AMMECR1: variants seen among roughly 807,000 people sequenced by gnomAD.
AMMECR1 encodes the protein nuclear protein AMMECR1.
Under a neutral mutation model 22.5 loss-of-function variants are expected in AMMECR1, and 3 were observed. The ratio of observed to expected loss-of-function variants is 0.13; its 90% CI spans 0.06 to 0.35. The LOEUF is 0.35. Ranked by LOEUF, AMMECR1 falls within the 10% of genes least tolerant of loss-of-function variation. The pLI, the probability that AMMECR1 is intolerant of heterozygous loss-of-function variation, is 1.00. For synonymous variants in AMMECR1, 130 were observed against 116.7 expected, an observed-to-expected ratio of 1.11 and a Z score of -0.74; for missense variants, 235 against 278.7, an observed-to-expected ratio of 0.84 and a Z score of 1.12.
At chrX:110,359,395 CA>C (rs2068248205) in intron 2 of AMMECR1, among the ~76,000 whole-genome samples, 2 of 111,440 alleles carry the variant, frequency 1.8e-5, no homozygotes, top group South Asian at 7.6e-4. Context: ...TCATGAACGA[CA>C]TGCTCTTTTC....
chrX:110,418,496 G>A (rs951618079), intron 2 of AMMECR1, among the ~76,000 whole-genome samples: 2 of 112,037 alleles, frequency 1.8e-5, no homozygotes, highest in African/African-American at 3.2e-5. Context: ...TTAGTGATCA[G>A]GGCCAAATGA....
intron 2 of AMMECR1, among the ~76,000 whole-genome samples, chrX:110,224,156 AC>A (rs774660321): frequency 4.0e-4 from 45 of 111,300 alleles, no homozygotes; most frequent in South Asian, 7.7e-4. Context: ...AAAGGGAGCC[AC>A]AGGACTAAGC....
chrX:110,346,635 T>C, intron 2 of AMMECR1: 1 of 551,041 alleles, frequency 1.8e-6, no homozygotes, highest in Non-Finnish European at 3.3e-6. Context: ...AGGCTTCAAA[T>C]GTATCTCTCT....
chrX:110,360,132 T>C (rs1431930053), intron 2 of AMMECR1, among the ~76,000 whole-genome samples: 1 of 111,427 alleles, frequency 9.0e-6, no homozygotes, highest in Non-Finnish European at 1.9e-5. Context: ...AGAAATCTCA[T>C]AGCCTCAGAC....
chrX:110,237,212 G>GA (rs1230197890), intron 2 of AMMECR1, among the ~76,000 whole-genome samples: 2 of 111,367 alleles, frequency 1.8e-5, no homozygotes, highest in African/African-American at 6.5e-5. Flanking sequence ...GGCAGGCATA[G>GA]AAAAAAGAAA....
At chrX:110,302,643 T>C (rs890107002) in intron 1 of AMMECR1, among the ~76,000 whole-genome samples, 12 of 111,016 alleles carry the variant, frequency 1.1e-4, no homozygotes, top group Non-Finnish European at 2.1e-4. Flanking sequence ...GAGGCCGAAG[T>C]GGGTGGATCA....
At chrX:110,329,728 AC>A (rs1400752909) in intron 2 of AMMECR1, among the ~76,000 whole-genome samples, 1 of 112,196 alleles carries the variant, frequency 8.9e-6, no homozygotes, top group African/African-American at 3.2e-5. Context: ...GTGATGCCAA[AC>A]AACCACAGAT....
At chrX:110,324,106 C>T (rs970601624) in intron 2 of AMMECR1, among the ~76,000 whole-genome samples, 13 of 108,536 alleles carry the variant, frequency 1.2e-4, no homozygotes, top group African/African-American at 4.4e-4. Context: ...AAGCAATTCT[C>T]CTGCCTCAAC....
At chrX:110,364,664 C>A (rs1475744010) in intron 2 of AMMECR1, among the ~76,000 whole-genome samples, 2 of 111,667 alleles carry the variant, frequency 1.8e-5, no homozygotes, top group African/African-American at 6.5e-5. Flanking sequence ...AGTTTTGGAA[C>A]CTGTGAAGCT....
At chrX:110,232,482 C>T (rs2067572696) in intron 2 of AMMECR1, among the ~76,000 whole-genome samples, 1 of 111,883 alleles carries the variant, frequency 8.9e-6, no homozygotes, top group African/African-American at 3.3e-5. Flanking sequence ...AACAAAGACA[C>T]AACGTACCGG....
intron 1 of AMMECR1, among the ~76,000 whole-genome samples, chrX:110,267,996 G>T (rs2067778760): frequency 8.9e-6 from 1 of 112,069 alleles, no homozygotes. Context: ...ATTTTACAAG[G>T]CAGCCTGAGG....
intron 2 of AMMECR1, among the ~76,000 whole-genome samples, chrX:110,339,218 C>T (rs748673515): frequency 9.0e-6 from 1 of 110,877 alleles, no homozygotes; most frequent in South Asian, 3.8e-4. Flanking sequence ...TCCACAATCA[C>T]CTGATATTGA....
intron 2 of AMMECR1, among the ~76,000 whole-genome samples, chrX:110,377,972 G>A (rs1372181594): frequency 1.1e-5 from 1 of 88,793 alleles, no homozygotes; most frequent in Non-Finnish European, 2.1e-5. Flanking sequence ...TCGCGCCACT[G>A]CACTCCAGCC....
chrX:110,257,229 C>T (rs902074587), intron 2 of AMMECR1, among the ~76,000 whole-genome samples: 1 of 112,336 alleles, frequency 8.9e-6, no homozygotes, highest in Non-Finnish European at 1.9e-5. Flanking sequence ...AAGACTATCG[C>T]AGACAATGAC....
intron 2 of AMMECR1, among the ~76,000 whole-genome samples, chrX:110,368,341 A>G (rs1315788442): frequency 9.0e-6 from 1 of 111,308 alleles, no homozygotes; most frequent in African/African-American, 3.3e-5. Context: ...AAGATTCTAC[A>G]TGATCTACCT....
intron 2 of AMMECR1, among the ~76,000 whole-genome samples, chrX:110,348,607 T>C: frequency 8.9e-6 from 1 of 112,531 alleles, no homozygotes; most frequent in Middle Eastern, 4.6e-3. Context: ...ATCTCTTGGG[T>C]TATTGTATTG....
At chrX:110,217,631 C>G (rs1037857819) in intron 2 of AMMECR1, among the ~76,000 whole-genome samples, 2 of 110,507 alleles carry the variant, frequency 1.8e-5, no homozygotes, top group Non-Finnish European at 3.8e-5. Context: ...AATGGCACTA[C>G]TGGTATTCAT....
chrX:110,314,670 C>T (rs1047776954), intron 1 of AMMECR1, among the ~76,000 whole-genome samples: 1 of 111,857 alleles, frequency 8.9e-6, no homozygotes, highest in Non-Finnish European at 1.9e-5. Flanking sequence ...CTACATAAAT[C>T]CAAGAGTGCT....
intron 2 of AMMECR1, among the ~76,000 whole-genome samples, chrX:110,407,600 G>A (rs1446504143): frequency 1.8e-5 from 2 of 112,143 alleles, no homozygotes; most frequent in Non-Finnish European, 3.8e-5. Context: ...GAATTTCTTT[G>A]TCTTTAAGCA....
Sources: allele counts gnomAD v4.1 joint callset (sites outside exome capture counted in the v4.1 genomes callset), GRCh38; gene constraint gnomAD v4.1.1; transcripts MANE v1.5; gene names NCBI Gene and HGNC (gene_info 2026-07-23, HGNC 2026-07-21).